LRMDA: variants seen among roughly 807,000 people sequenced by gnomAD.
The protein encoded by LRMDA is leucine rich melanocyte differentiation associated, also known as leucine-rich melanocyte differentiation-associated protein.
In LRMDA, 18 loss-of-function variants were observed where a neutral mutation model predicts 29.8. The ratio of observed to expected loss-of-function variants is 0.60; its 90% confidence interval spans 0.42 to 0.90. The LOEUF is 0.90. Ranked by LOEUF, LRMDA falls within the 40% of genes least tolerant of loss-of-function variation. LRMDA has a pLI of 0.00. For missense variants in LRMDA, 273 were observed against 273.9 expected (o/e 1.00, Z 0.02); for synonymous variants, 125 against 109.4 (o/e 1.14, Z -0.89).
At chr10:76,041,624 G>A (rs924680744) in intron 3 of LRMDA, among the ~76,000 whole-genome samples, 1 of 152,136 alleles carries the variant, frequency 6.6e-6, no homozygotes, top group Non-Finnish European at 1.5e-5. Flanking sequence ...TCTCACCTGG[G>A]ACAGCTTTGG....
At chr10:76,056,224 A>T (rs113960283) in intron 4 of LRMDA, among the ~76,000 whole-genome samples, 4,231 of 152,304 alleles carry the variant, frequency 0.028, 201 homozygotes, top group African/African-American at 0.096. Context: ...TGTTCCATCA[A>T]CTGCCCAAGT....
intron 2 of LRMDA, among the ~76,000 whole-genome samples, chr10:75,841,251 T>G (rs1018615289): frequency 6.6e-6 from 1 of 152,376 alleles, no homozygotes; most frequent in Non-Finnish European, 1.5e-5. Flanking sequence ...TCCATGGGCC[T>G]TCTCACTCTC....
At chr10:75,967,845 C>A (rs1453836153) in intron 2 of LRMDA, among the ~76,000 whole-genome samples, 1 of 152,014 alleles carries the variant, frequency 6.6e-6, no homozygotes, top group Admixed American at 6.5e-5. Context: ...ACGAGTTAAC[C>A]CTTTCCCCAC....
chr10:76,126,529 G>A (rs1432583159), intron 5 of LRMDA, among the ~76,000 whole-genome samples: 1 of 152,132 alleles, frequency 6.6e-6, no homozygotes, highest in African/African-American at 2.4e-5. Context: ...CGCTCCTGCT[G>A]GGGTCTTTCA....
intron 5 of LRMDA, among the ~76,000 whole-genome samples, chr10:76,287,980 T>C (rs760612883): frequency 5.9e-5 from 9 of 152,210 alleles, no homozygotes; most frequent in Admixed American, 2.0e-4. Flanking sequence ...CTTCGTTTAA[T>C]TTCCAGTTCA....
chr10:76,546,800 G>A (rs1040381113), intron 6 of LRMDA, among the ~76,000 whole-genome samples: 2 of 152,082 alleles, frequency 1.3e-5, no homozygotes, highest in Admixed American at 1.3e-4. Context: ...TTTTAATAAT[G>A]ATATGTTTGA....
chr10:76,247,609 C>T (rs1022555151), intron 5 of LRMDA, among the ~76,000 whole-genome samples: 4 of 152,180 alleles, frequency 2.6e-5, no homozygotes, highest in African/African-American at 7.2e-5. Context: ...TATTCTATCC[C>T]TGTATGCATG....
At chr10:76,544,357 G>A (rs1010441165) in intron 6 of LRMDA, among the ~76,000 whole-genome samples, 8 of 152,084 alleles carry the variant, frequency 5.3e-5, no homozygotes, top group Non-Finnish European at 8.8e-5. Flanking sequence ...AAATAAAAGG[G>A]GTAATATCCC....
intron 2 of LRMDA, among the ~76,000 whole-genome samples, chr10:75,918,308 A>T (rs1280280462): frequency 6.6e-6 from 1 of 152,144 alleles, no homozygotes; most frequent in Non-Finnish European, 1.5e-5. Context: ...TTTTAAAAAG[A>T]GCCTTAGTTG....
At chr10:76,400,017 G>C (rs1339668123) in intron 6 of LRMDA, among the ~76,000 whole-genome samples, 2 of 152,166 alleles carry the variant, frequency 1.3e-5, no homozygotes, top group Non-Finnish European at 2.9e-5. Context: ...CCTGTGATTT[G>C]CTTGTAACCA....
At chr10:75,525,339 G>T (rs776500545) in intron 2 of LRMDA, among the ~76,000 whole-genome samples, 7 of 152,192 alleles carry the variant, frequency 4.6e-5, no homozygotes, top group Non-Finnish European at 1.0e-4. Context: ...GGAAGTTTGG[G>T]CAGGGATGTG....
intron 2 of LRMDA, among the ~76,000 whole-genome samples, chr10:75,723,292 C>T (rs74621963): frequency 6.6e-6 from 1 of 152,192 alleles, no homozygotes; most frequent in African/African-American, 2.4e-5. Flanking sequence ...GAACTGGGGA[C>T]ATTTAACCCA....
At chr10:76,361,392 TGAAG>T (rs1473953831) in intron 6 of LRMDA, among the ~76,000 whole-genome samples, 5 of 152,108 alleles carry the variant, frequency 3.3e-5, no homozygotes, top group Non-Finnish European at 2.9e-5. Context: ...CAGTTCTGAA[TGAAG>T]GAAGTCCCCA....
chr10:76,208,755 A>G (rs1486033741), intron 5 of LRMDA, among the ~76,000 whole-genome samples: 4 of 151,928 alleles, frequency 2.6e-5, no homozygotes, highest in Admixed American at 1.3e-4. Context: ...GCTTGTGCCT[A>G]TCCAGACCAC....
chr10:75,985,978 G>C (rs1847256110), intron 2 of LRMDA, among the ~76,000 whole-genome samples: 1 of 152,230 alleles, frequency 6.6e-6, no homozygotes, highest in African/African-American at 2.4e-5. Context: ...TGTATCAACA[G>C]GAGTTGGTCA....
intron 2 of LRMDA, among the ~76,000 whole-genome samples, chr10:76,031,454 C>T (rs1203923397): frequency 6.6e-6 from 1 of 152,068 alleles, no homozygotes; most frequent in Non-Finnish European, 1.5e-5. Flanking sequence ...ATTTATTGGC[C>T]GTTTTTTTCT....
At chr10:76,010,965 C>G (rs1240140435) in intron 2 of LRMDA, among the ~76,000 whole-genome samples, 1 of 152,204 alleles carries the variant, frequency 6.6e-6, no homozygotes, top group Non-Finnish European at 1.5e-5. Context: ...ACAGACTAGC[C>G]CTGAAAACCT....
chr10:75,697,404 A>G (rs1034253926), intron 2 of LRMDA, among the ~76,000 whole-genome samples: 1 of 152,056 alleles, frequency 6.6e-6, no homozygotes, highest in Non-Finnish European at 1.5e-5. Context: ...AGACAGAGAC[A>G]GAAAACCTTA....
intron 6 of LRMDA, among the ~76,000 whole-genome samples, chr10:76,350,155 G>A (rs1841157236): frequency 6.8e-6 from 1 of 147,626 alleles, no homozygotes; most frequent in South Asian, 2.1e-4. Flanking sequence ...ATGCAGGTAG[G>A]TGGAGGCAAA....
Sources: allele counts gnomAD v4.1 joint callset (sites outside exome capture counted in the v4.1 genomes callset), GRCh38; gene constraint gnomAD v4.1.1; transcripts MANE v1.5; gene names NCBI Gene and HGNC (gene_info 2026-07-23, HGNC 2026-07-21).